DAB1: variants seen among roughly 807,000 people sequenced by gnomAD.
DAB1 encodes the protein disabled homolog 1.
Under a neutral mutation model 64.6 loss-of-function variants are expected in DAB1, and 15 were observed. That is an observed-to-expected ratio of 0.23 (90% confidence interval 0.16 to 0.36). The LOEUF is 0.36. DAB1 is among the 10% of genes least tolerant of loss of function. The pLI is 1.00. For synonymous variants in DAB1, 235 were observed against 251.9 expected (o/e 0.93, Z 0.64); for missense variants, 596 against 706.7 (o/e 0.84, Z 1.78).
chr1:57,959,164 C>G (rs537324545), intron 5 of DAB1, among the ~76,000 whole-genome samples: 2 of 152,176 alleles, frequency 1.3e-5, no homozygotes, highest in Non-Finnish European at 2.9e-5. Flanking sequence ...TATTACTGAC[C>G]TTGGTTGTAT....
chr1:57,527,158 T>G (rs962163500), intron 7 of DAB1, among the ~76,000 whole-genome samples: 1 of 152,182 alleles, frequency 6.6e-6, no homozygotes, highest in Admixed American at 6.5e-5. Context: ...TTATTTATGC[T>G]TCTACTGTAT....
intron 4 of DAB1, among the ~76,000 whole-genome samples, chr1:58,335,376 C>G (rs1306968004): frequency 1.3e-5 from 2 of 152,190 alleles, no homozygotes; most frequent in Non-Finnish European, 2.9e-5. Flanking sequence ...AGGTTTTACC[C>G]TAAATAGAAA....
intron 5 of DAB1, among the ~76,000 whole-genome samples, chr1:58,021,943 T>G (rs187008387): frequency 4.0e-4 from 61 of 152,280 alleles, no homozygotes; most frequent in Non-Finnish European, 1.2e-4. Flanking sequence ...GTAGGTGGCT[T>G]AAACTATCTT....
At chr1:58,129,065 C>A (rs1390960121) in intron 5 of DAB1, among the ~76,000 whole-genome samples, 8 of 144,500 alleles carry the variant, frequency 5.5e-5, no homozygotes, top group Admixed American at 4.8e-4. Flanking sequence ...TGGTAGAATT[C>A]GGCTGTGAAT....
chr1:57,535,470 C>CT (rs11358277), intron 7 of DAB1, among the ~76,000 whole-genome samples: 80,986 of 130,302 alleles, frequency 0.62, 27,616 homozygotes, highest in Non-Finnish European at 0.77. Context: ...GTTGGACATT[C>CT]TTTTTTTTTT....
At chr1:57,960,756 C>T (rs540482269) in intron 5 of DAB1, among the ~76,000 whole-genome samples, 1 of 152,340 alleles carries the variant, frequency 6.6e-6, no homozygotes, top group South Asian at 2.1e-4. Context: ...GTATGTGGAG[C>T]AATTAATTCC....
chr1:57,392,971 C>T (rs1045033239), intron 1 of DAB1, among the ~76,000 whole-genome samples: 12 of 152,212 alleles, frequency 7.9e-5, no homozygotes, highest in African/African-American at 2.2e-4. Context: ...TGGTGCCAGT[C>T]GGCCCCGGCT....
At chr1:57,299,138 A>C (rs1413250800) in intron 1 of DAB1, among the ~76,000 whole-genome samples, 1 of 152,248 alleles carries the variant, frequency 6.6e-6, no homozygotes, top group Non-Finnish European at 1.5e-5. Flanking sequence ...TAAGTTGTTT[A>C]TGAACAAGGC....
intron 6 of DAB1, among the ~76,000 whole-genome samples, chr1:57,678,985 AAGG>A (rs1646604385): frequency 6.6e-6 from 1 of 151,700 alleles, no homozygotes; most frequent in African/African-American, 2.4e-5. Context: ...GTTAGCCAGG[AAGG>A]TCTCGATCTT....
intron 7 of DAB1, among the ~76,000 whole-genome samples, chr1:57,486,706 G>A (rs1644096349): frequency 1.3e-5 from 2 of 152,130 alleles, no homozygotes; most frequent in Non-Finnish European, 2.9e-5. Context: ...TCAGTGGGAT[G>A]AGCCAGTAGG....
At chr1:58,312,796 A>T (rs146813198) in intron 4 of DAB1, among the ~76,000 whole-genome samples, 6 of 152,226 alleles carry the variant, frequency 3.9e-5, no homozygotes, top group African/African-American at 1.4e-4. Flanking sequence ...AGTTGTGTGA[A>T]CTCAGGCAAG....
intron 6 of DAB1, among the ~76,000 whole-genome samples, chr1:57,806,251 A>C (rs1014289689): frequency 6.6e-6 from 1 of 152,180 alleles, no homozygotes; most frequent in African/African-American, 2.4e-5. Flanking sequence ...GTGTCCCTCC[A>C]AAATTATAAA....
At chr1:58,066,739 A>G (rs556269605) in intron 5 of DAB1, among the ~76,000 whole-genome samples, 292 of 152,284 alleles carry the variant, frequency 1.9e-3, no homozygotes, top group Non-Finnish European at 3.4e-3. Context: ...GGCTGTATTA[A>G]TAGAGGCAGA....
intron 1 of DAB1, among the ~76,000 whole-genome samples, chr1:57,311,266 C>T (rs924849): frequency 0.023 from 3,488 of 152,100 alleles, 57 homozygotes; most frequent in Middle Eastern, 0.055. Context: ...GATTGCTAAG[C>T]AGTCCCACGT....
intron 3 of DAB1, among the ~76,000 whole-genome samples, chr1:58,408,387 C>A (rs849484): frequency 0.11 from 16,504 of 152,230 alleles, 971 homozygotes; most frequent in East Asian, 0.27. Flanking sequence ...ATAACACATT[C>A]CTTTGTAACA....
intron 4 of DAB1, among the ~76,000 whole-genome samples, chr1:58,216,192 C>T (rs1211582123): frequency 6.6e-6 from 1 of 152,052 alleles, no homozygotes; most frequent in African/African-American, 2.4e-5. Context: ...CCCCCACCCC[C>T]CAACAGGCCT....
intron 7 of DAB1, among the ~76,000 whole-genome samples, chr1:57,623,371 A>T (rs12117856): frequency 7.9e-5 from 12 of 152,194 alleles, no homozygotes; most frequent in Non-Finnish European, 1.8e-4. Context: ...TTAAATACAC[A>T]TGCCAGGATG....
At chr1:57,120,042 C>T (rs1656494105) in intron 4 of DAB1, among the ~76,000 whole-genome samples, 1 of 152,012 alleles carries the variant, frequency 6.6e-6, no homozygotes, top group Admixed American at 6.6e-5. Flanking sequence ...AGGTGAATTT[C>T]TCTGCCTCTA....
chr1:57,372,497 T>A lies in DAB1; in HGVS notation c.-137+51433A>T, dbSNP rs1680578134. On this transcript the variant is annotated intron_variant, in intron 1 of 14. Coordinates refer to ENST00000371236, the MANE Select transcript of DAB1 (RefSeq NM_001365792.1). ...CATGTTCAGAAACACACATAAAGGA[T>A]CTGCTTATGATTGAGGCCCAACTCA... is the stretch of plus-strand genomic sequence containing the variant. 2.0e-5 allele frequency among the ~76,000 whole-genome samples: 3 copies of A among 152,166 alleles called. No individual in the cohort carries two copies. The South Asian group carries it at 6.2e-4, about 32-fold the overall frequency.
Sources: gnomAD v4.1 joint callset for allele counts (sites outside exome capture counted in the v4.1 genomes callset) on GRCh38, gnomAD v4.1.1 for gene constraint, MANE v1.5 for transcripts, NCBI Gene and HGNC (gene_info 2026-07-23, HGNC 2026-07-21) for gene names.